DNMT3B: variants seen among roughly 807,000 people sequenced by gnomAD.
DNMT3B encodes DNA (cytosine-5)-methyltransferase 3B.
Under a neutral mutation model 120.2 loss-of-function variants are expected in DNMT3B, and 37 were observed. That is an observed-to-expected ratio of 0.31 (90% CI 0.24 to 0.40). DNMT3B has a LOEUF of 0.40. Among genes scored for constraint, DNMT3B ranks in the 10% least tolerant of loss-of-function variants. The pLI is 1.00. For missense variants in DNMT3B, 878 were observed against 1,137.3 expected, an observed-to-expected ratio of 0.77 and a Z score of 3.28; for synonymous variants, 412 against 442.8, an observed-to-expected ratio of 0.93 and a Z score of 0.87.
At chr20:32,767,133 C>A (rs1172151622) in intron 1 of DNMT3B, among the ~76,000 whole-genome samples, 1 of 152,100 alleles carries the variant, frequency 6.6e-6, no homozygotes. Flanking sequence ...CTCAGGTGAT[C>A]TGCCCACCTC....
chr20:32,795,352 G>A (rs996189688), intron 10 of DNMT3B, 57 bp from the exon 11 acceptor site: 10 of 1,611,634 alleles, frequency 6.2e-6, no homozygotes, highest in East Asian at 4.5e-5. Flanking sequence ...TCCTGGGCCC[G>A]CATTCTCTCT....
rs1372132068 is a variant in DNMT3B, at chr20:32,784,931, C to T, written c.306+72C>T. Reference sequence around the variant, plus strand: ...CATAGCATACATAGCATGCTACATACATAGCATAGCTCCTTAGGGGAGCTT... The same window carrying T: ...CATAGCATACATAGCATGCTACATATATAGCATAGCTCCTTAGGGGAGCTT... On this transcript the variant is annotated intron_variant, in intron 4 of 22. Coordinates refer to ENST00000328111, the MANE Select transcript of DNMT3B (RefSeq NM_006892.4). The T allele has an allele frequency of 3.6e-6, 5 of 1,396,722 alleles. No individual in the cohort carries two copies. The African/African-American group carries it at 5.7e-5, about 16-fold the overall frequency. 86.5% of individuals were successfully genotyped at this position (1,396,722 alleles called of 1,614,324 possible). A position where few individuals can be genotyped will look rare whatever the true frequency, so the allele number is the denominator to read the frequency against.
Position 32,793,607 on chromosome 20 carries a change from C to A in DNMT3B, c.1126+12C>A, listed in dbSNP as rs772592643. 1 of 1,613,526 alleles carries A rather than the reference C, an allele frequency of 6.2e-7. No homozygotes were observed. Among genetic ancestry groups the A allele is most frequent in the East Asian group, 2.2e-5 (1 of 44,870 alleles). The stretch of plus-strand genomic sequence containing the variant: ...ATCAAGGAAATACGGTATTTCCTTC[C>A]TGTCTTTTGACTGTGCCCTGTTTTC... On this transcript the variant is annotated intron_variant, in intron 10 of 22. Coordinates refer to ENST00000328111, the MANE Select transcript of DNMT3B (RefSeq NM_006892.4).
chr20:32,785,004 A>G (rs558721623), intron 4 of DNMT3B, 145 bp downstream of exon 4: 7 of 823,106 alleles, frequency 8.5e-6, no homozygotes, highest in Non-Finnish European at 1.2e-5. Context: ...AAATATAAGC[A>G]AGGCTCTTGG....
intron 10 of DNMT3B, among the ~76,000 whole-genome samples, chr20:32,794,095 C>T (rs1980313915): frequency 1.3e-5 from 2 of 152,040 alleles, no homozygotes. Flanking sequence ...AAATAACCAT[C>T]TCTTGGATTT....
chr20:32,795,722 C>A (rs1404855537), intron 12 of DNMT3B, 28 bp downstream of exon 12: 1 of 1,613,754 alleles, frequency 6.2e-7, no homozygotes, highest in Non-Finnish European at 8.5e-7. Context: ...CCAGTCATCC[C>A]CCTCACACCC....
At chr20:32,764,903 G>T (rs891146774) in intron 1 of DNMT3B, among the ~76,000 whole-genome samples, 3 of 152,186 alleles carry the variant, frequency 2.0e-5, no homozygotes, top group African/African-American at 7.2e-5. Flanking sequence ...CCTTCCTCCA[G>T]CCACGTGGGG....
At chr20:32,795,387 G>A (rs1601111601) in intron 10 of DNMT3B, 22 bp from the exon 11 acceptor site, 1 of 1,613,764 alleles carries the variant, frequency 6.2e-7, no homozygotes, top group Non-Finnish European at 8.5e-7. Context: ...AGCCACGGCT[G>A]CAGTCTAATT....
intron 1 of DNMT3B, among the ~76,000 whole-genome samples, chr20:32,776,173 G>C (rs1405143884): frequency 6.6e-6 from 1 of 151,852 alleles, no homozygotes; most frequent in African/African-American, 2.4e-5. Context: ...AGGTTGCAGT[G>C]AGCCGAGATC....
chr20:32,788,245 C>T (rs1206080533), intron 6 of DNMT3B, among the ~76,000 whole-genome samples: 2 of 152,176 alleles, frequency 1.3e-5, no homozygotes, highest in Admixed American at 6.5e-5. Context: ...AGTGCACATA[C>T]TGTATATATT....
At chr20:32,781,182 A>G (rs1245060814) in intron 2 of DNMT3B, among the ~76,000 whole-genome samples, 171 bp from the exon 3 acceptor site, 1 of 152,206 alleles carries the variant, frequency 6.6e-6, no homozygotes, top group African/African-American at 2.4e-5. Context: ...TAGGAATAAA[A>G]TCAGTGGAGA....
chr20:32,805,675 C>T lies in DNMT3B; in HGVS notation c.2301+268C>T, dbSNP rs1769462270. Among the ~76,000 whole-genome samples, 3 of 152,204 alleles carry T rather than the reference C, an allele frequency of 2.0e-5. No individual in the cohort carries two copies. In the South Asian group the frequency reaches 6.2e-4, roughly 32 times the overall value. ...TAAAGACAAAGAGTTTCAGCTGGCC[C>T]TCTCAGGGAGAAAGGAATCATTAAT... On this transcript the variant is annotated intron_variant, in intron 21 of 22. Coordinates refer to ENST00000328111, the MANE Select transcript of DNMT3B (RefSeq NM_006892.4).
In DNMT3B at chr20:32,797,255, C is replaced by T. The variant is rs898296778; in HGVS notation, c.1446C>T (p.Cys482=). 1.1e-5 allele frequency: 17 copies of T among 1,614,038 alleles called. No homozygotes were observed. The highest frequency in any genetic ancestry group is 2.2e-5 in the East Asian group (1 of 44,900). ...ATCAGTCTTACTGCACTGTGTGCTG[C>T]GAGGGCCGAGAGCTGCTGCTTTGCA... is the stretch of plus-strand genomic sequence containing the variant. The part of the protein sequence containing the change: ...DGYQSYCTVC[C]EGRELLLCSN... Residue 482 remains cysteine, a synonymous_variant, in exon 14 of 23, where the codon TGC becomes TGT. Coordinates refer to ENST00000328111, the MANE Select transcript of DNMT3B (RefSeq NM_006892.4).
chr20:32,784,660 G>T, intron 3 of DNMT3B, 98 bp from the exon 4 acceptor site: 1 of 1,348,280 alleles, frequency 7.4e-7, no homozygotes, highest in South Asian at 1.2e-5. Context: ...CTCCCTGCCA[G>T]GCACAGGCGA....
intron 20 of DNMT3B, among the ~76,000 whole-genome samples, chr20:32,803,418 G>A (rs575500781): frequency 5.3e-5 from 8 of 150,592 alleles, no homozygotes; most frequent in Non-Finnish European, 1.0e-4. Context: ...GAGGATTTTT[G>A]TTGGTCACCT....
intron 19 of DNMT3B, among the ~76,000 whole-genome samples, 159 bp downstream of exon 19, chr20:32,801,585 A>G (rs946250694): frequency 2.0e-5 from 3 of 152,038 alleles, no homozygotes; most frequent in African/African-American, 7.2e-5. Context: ...CTCTTAGTAC[A>G]TGGAAAATAT....
chr20:32,789,616 T>C (rs1979726442), intron 7 of DNMT3B, among the ~76,000 whole-genome samples: 1 of 152,170 alleles, frequency 6.6e-6, no homozygotes, highest in Non-Finnish European at 1.5e-5. Flanking sequence ...GCGGTGAGAA[T>C]GGAGTCTCAC....
intron 19 of DNMT3B, among the ~76,000 whole-genome samples, chr20:32,802,014 C>T (rs1193353660): frequency 6.6e-6 from 1 of 152,172 alleles, no homozygotes; most frequent in Non-Finnish European, 1.5e-5. Context: ...AGAGTTTTCT[C>T]ATTTTTGATA....
At chr20:32,781,856 T>G (rs545149965) in intron 3 of DNMT3B, among the ~76,000 whole-genome samples, 3 of 152,340 alleles carry the variant, frequency 2.0e-5, no homozygotes, top group South Asian at 4.1e-4. Context: ...GTTAGTCACT[T>G]GTAGCCGTCT....
Sources: allele counts gnomAD v4.1 joint callset (sites outside exome capture counted in the v4.1 genomes callset), GRCh38; gene constraint gnomAD v4.1.1; transcripts MANE v1.5; gene names NCBI Gene and HGNC (gene_info 2026-07-23, HGNC 2026-07-21).